Variants in ZNF177 observed in about 807,000 individuals in gnomAD.
ZNF177 encodes the protein zinc finger protein 177.
ZNF177 carries 17 observed loss-of-function variants against 19.4 expected under a neutral mutation model. The observed-to-expected ratio is 0.87, with a 90% CI of 0.60 to 1.31. The LOEUF (loss-of-function observed/expected upper bound fraction) is 1.31. ZNF177 is among the 40% of genes most tolerant of loss of function. ZNF177 has a pLI of 0.00. For missense variants in ZNF177, 633 were observed against 561.8 expected (o/e 1.13, Z -1.28); for synonymous variants, 220 against 188.7 (o/e 1.17, Z -1.36).
At chr19:9,377,895 C>A (rs1182539891) in intron 1 of ZNF177, among the ~76,000 whole-genome samples, 1 of 152,124 alleles carries the variant, frequency 6.6e-6, no homozygotes, top group Admixed American at 6.5e-5. Flanking sequence ...ATAAGATATT[C>A]CAAACTCATC....
At chr19:9,375,164 T>C (rs1170731269), upstream of ZNF177, among the ~76,000 whole-genome samples, 2 of 152,212 alleles carry the variant, frequency 1.3e-5, no homozygotes, top group African/African-American at 2.4e-5. Flanking sequence ...TCTTGAACTA[T>C]CCTTGAATTT....
intron 1 of ZNF177, 113 bp from the exon 4 acceptor site, chr19:9,378,146 T>A: frequency 1.1e-6 from 1 of 940,822 alleles, no homozygotes; most frequent in African/African-American, 1.7e-5. Flanking sequence ...AGGCAAATTG[T>A]AACTACACTC....
chr19:9,382,265 C>G, downstream of ZNF177: 1 of 398,940 alleles, frequency 2.5e-6, no homozygotes, highest in Middle Eastern at 6.3e-4. Flanking sequence ...ATCCCTAGCC[C>G]ATGCAAAGTA....
chr19:9,381,524 G>A (rs780196891), exon 6 of ZNF177: 10 of 1,614,082 alleles, frequency 6.2e-6, no homozygotes, highest in Non-Finnish European at 8.5e-6. Flanking sequence ...CCTTATGAGT[G>A]TAACCAGTGT....
At chr19:9,370,288 T>C (rs1347228403) in intron 2 of ZNF177, among the ~76,000 whole-genome samples, 1 of 152,136 alleles carries the variant, frequency 6.6e-6, no homozygotes, top group East Asian at 1.9e-4. Context: ...AGCATTGTAT[T>C]TGCATAGAAC....
chr19:9,368,431 T>C (rs943715222), intron 2 of ZNF177, among the ~76,000 whole-genome samples: 2 of 152,180 alleles, frequency 1.3e-5, no homozygotes, highest in Non-Finnish European at 2.9e-5. Flanking sequence ...GTCTTGTTAA[T>C]CTCTGCAACA....
At chr19:9,382,540 G>C (rs771365342), downstream of ZNF177, 20 of 396,858 alleles carry the variant, frequency 5.0e-5, no homozygotes, top group East Asian at 7.1e-4. Flanking sequence ...AACCACTCTT[G>C]TGGGAAGTTC....
At position 9,378,252 on chromosome 19, in the gene ZNF177, C is replaced by T. The variant is rs1478685364; in HGVS notation, c.-53-7C>T. The T allele has an allele frequency of 1.2e-6, 2 of 1,608,640 alleles. No homozygotes were observed. Among genetic ancestry groups the T allele is most frequent in the Non-Finnish European group, 1.7e-6 (2 of 1,177,658 alleles). On this transcript the variant is annotated splice_polypyrimidine_tract_variant and splice_region_variant and intron_variant, in intron 1 of 5. Coordinates refer to ENST00000589262, the Ensembl canonical transcript of ZNF177. ...TAGACTCTAATGGCTTCTGTGTTCT[C>T]CTCTAGCTCTGCCTGCTTAGGACTC... is the stretch of plus-strand genomic sequence containing the variant.
At chr19:9,364,287 G>A (rs574009017) in intron 1 of ZNF177, among the ~76,000 whole-genome samples, 2 of 152,262 alleles carry the variant, frequency 1.3e-5, no homozygotes, top group South Asian at 2.1e-4. Flanking sequence ...TCAAGGCCTC[G>A]GCGGTTTTGG....
At chr19:9,372,108 A>G (rs1432619220), upstream of ZNF177, among the ~76,000 whole-genome samples, 1 of 152,198 alleles carries the variant, frequency 6.6e-6, no homozygotes, top group Non-Finnish European at 1.5e-5. Context: ...AGAACTTTGT[A>G]TATAAGATTT....
chr19:9,380,466 T>A, intron 5 of ZNF177: 1 of 1,024,386 alleles, frequency 9.8e-7, no homozygotes, highest in Non-Finnish European at 1.4e-6. Flanking sequence ...TGGGAAGGAA[T>A]AGAGCCTTGG....
intron 1 of ZNF177, among the ~76,000 whole-genome samples, chr19:9,377,863 A>G (rs2068133718): frequency 6.6e-6 from 1 of 152,164 alleles, no homozygotes; most frequent in Non-Finnish European, 1.5e-5. Context: ...CATTCTAACA[A>G]TGAGGAACGT....
rs201644381 is a variant in ZNF177 at position 9,379,043 on chromosome 19, T to C, written c.115T>C (p.Tyr39His). ...GCTGGACCCTGCTCAAAAAAATCTATACAAAGATGTGATGCTGGAGAACTT... is the reference window on the plus strand; with the variant it reads ...GCTGGACCCTGCTCAAAAAAATCTACACAAAGATGTGATGCTGGAGAACTT... Residue 39 changes from tyrosine to histidine, a missense_variant, in exon 3 of 6, where the codon TAC (tyrosine) becomes CAC (histidine). Physicochemically the swap from Tyr to His is moderately conservative, Grantham distance 83. Transcript: ENST00000589262. The C allele has an allele frequency of 1.3e-5, 21 of 1,611,022 alleles. No individual in the cohort carries two copies. The East Asian group carries it at 4.7e-4, about 36-fold the overall frequency.
rs1403498425 is a variant in ZNF177 at position 9,378,234 on chromosome 19, T to C, written c.-53-25T>C. ...TTGAACATCTAGCAGGCCTAGACTC[T>C]AATGGCTTCTGTGTTCTCCTCTAGC... is the stretch of plus-strand genomic sequence containing the variant. On this transcript the variant is annotated intron_variant, in intron 1 of 5. Transcript: ENST00000589262. 1.9e-6 allele frequency: 3 copies of C among 1,594,422 alleles called. No homozygotes were observed. The East Asian group carries it at 6.8e-5, about 36-fold the overall frequency.
At chr19:9,370,716 C>G (rs1025831524) in intron 2 of ZNF177, among the ~76,000 whole-genome samples, 1 of 152,080 alleles carries the variant, frequency 6.6e-6, no homozygotes, top group African/African-American at 2.4e-5. Flanking sequence ...GCCACTGTGC[C>G]GGGCCATAAA....
At chr19:9,379,313 G>A in intron 3 of ZNF177, 1 of 1,070,894 alleles carries the variant, frequency 9.3e-7, no homozygotes. Context: ...CTCATCTTGT[G>A]TATAGGTTTC....
chr19:9,378,925 T>G (rs1477590760), intron 2 of ZNF177, 37 bp from the exon 5 acceptor site: 1 of 1,560,996 alleles, frequency 6.4e-7, no homozygotes, highest in Non-Finnish European at 8.7e-7. Context: ...TCAAAAATGG[T>G]CATTGGCTGA....
intron 2 of ZNF177, among the ~76,000 whole-genome samples, chr19:9,366,034 G>A (rs1259429560): frequency 1.3e-5 from 2 of 152,172 alleles, no homozygotes; most frequent in Non-Finnish European, 2.9e-5. Flanking sequence ...CCAGGCTAGA[G>A]TGCAGTGGCG....
At chr19:9,365,098 C>G (rs1055763560) in intron 2 of ZNF177, 150 bp downstream of exon 2, 1 of 152,064 alleles carries the variant, frequency 6.6e-6, no homozygotes, top group Admixed American at 6.6e-5. Flanking sequence ...AAAGGAACAT[C>G]GAGAAGGTGA....
Sources: allele counts gnomAD v4.1 joint callset (sites outside exome capture counted in the v4.1 genomes callset), GRCh38; gene constraint gnomAD v4.1.1; transcripts MANE v1.5; gene names NCBI Gene and HGNC (gene_info 2026-07-23, HGNC 2026-07-21).